XYLT1: variants seen among roughly 807,000 people sequenced by gnomAD.
The protein encoded by XYLT1 is xylosyltransferase 1.
In XYLT1, 36 loss-of-function variants were observed where a neutral mutation model predicts 91.3. The observed-to-expected ratio is 0.39, with a 90% CI of 0.30 to 0.52. The LOEUF is 0.52. Ranked by LOEUF, XYLT1 falls within the 20% of genes least tolerant of loss-of-function variation. The pLI is 0.68. For missense variants in XYLT1, 1,242 were observed against 1,284.5 expected, an observed-to-expected ratio of 0.97 and a Z score of 0.51; for synonymous variants, 588 against 532.0, an observed-to-expected ratio of 1.11 and a Z score of -1.45.
At chr16:17,196,745 A>G (rs1446447973) in intron 5 of XYLT1, among the ~76,000 whole-genome samples, 1 of 152,074 alleles carries the variant, frequency 6.6e-6, no homozygotes, top group Non-Finnish European at 1.5e-5. Context: ...CAGATGGAAA[A>G]CACAGTCAAA....
rs75149884 is a variant in XYLT1 at position 17,312,790 on chromosome 16, G to A, written c.402+45222C>T. Among the ~76,000 whole-genome samples the A allele has an allele frequency of 0.025, 3,759 of 152,316 alleles. 158 individuals are homozygous for A. The highest frequency in any genetic ancestry group is 0.085 in the African/African-American group (3,513 of 41,538). On this transcript the variant is annotated intron_variant, in intron 2 of 11. Coordinates refer to ENST00000261381, the MANE Select transcript of XYLT1 (RefSeq NM_022166.4). The surrounding 1 kb of genome is among the most constrained non-coding windows in gnomAD (Gnocchi z 4.4). The stretch of plus-strand genomic sequence containing the variant: ...ATAAAGTGACTTGTCCAAGGAGCTC[G>A]AATTCAGGGAATCTAGCTCTAAGCT...
chr16:17,145,119 A>C (rs2031098183), intron 6 of XYLT1, among the ~76,000 whole-genome samples: 1 of 152,206 alleles, frequency 6.6e-6, no homozygotes, highest in African/African-American at 2.4e-5. Flanking sequence ...GCAGTCATAC[A>C]ATATATGGCC....
At chr16:17,468,955 A>C (rs1360150361) in intron 1 of XYLT1, among the ~76,000 whole-genome samples, 2 of 152,224 alleles carry the variant, frequency 1.3e-5, no homozygotes, top group African/African-American at 4.8e-5. Context: ...GCAGCGTTTC[A>C]GAGTACCCCT....
chr16:17,336,739 A>G (rs2034984710), intron 2 of XYLT1, among the ~76,000 whole-genome samples: 1 of 152,208 alleles, frequency 6.6e-6, no homozygotes, highest in Admixed American at 6.5e-5. Flanking sequence ...ACCCCAGCCG[A>G]GCTGACATCC....
chr16:17,246,538 A>G (rs1272076452), intron 3 of XYLT1, among the ~76,000 whole-genome samples: 1 of 152,190 alleles, frequency 6.6e-6, no homozygotes. Flanking sequence ...GTTTGAGTCT[A>G]AGGTCTGTCA....
intron 2 of XYLT1, among the ~76,000 whole-genome samples, chr16:17,357,181 A>C (rs1024532599): frequency 1.1e-4 from 15 of 135,070 alleles, no homozygotes; most frequent in Admixed American, 2.1e-4. Flanking sequence ...TCAAAAAAAA[A>C]AAAAAAAAAA....
intron 10 of XYLT1, among the ~76,000 whole-genome samples, chr16:17,124,117 T>TTTACATTCAACATTA (rs1202041610): frequency 6.6e-6 from 1 of 152,236 alleles, no homozygotes; most frequent in Non-Finnish European, 1.5e-5. Flanking sequence ...TTTTAGGCCA[T>TTTACATTCAACATTA]TTACATTCAA....
rs1966717439 is a variant in XYLT1 at position 17,102,479 on chromosome 16, A to C, written c.*6216T>G. 1 of 152,650 alleles carries C rather than the reference A, an allele frequency of 6.6e-6. No individual in the cohort carries two copies. Among genetic ancestry groups the C allele is most frequent in the Non-Finnish European group, 1.5e-5 (1 of 68,034 alleles). The allele number at this position is 152,650 out of a possible 1,614,324, so 9.5% of individuals were successfully genotyped here. ...AAAAATGTTGCTTTGTCAGACAGAAACAAACTCCCCTAGACAAAAAAATAC... is the reference window on the plus strand; with the variant it reads ...AAAAATGTTGCTTTGTCAGACAGAACCAAACTCCCCTAGACAAAAAAATAC... On this transcript the variant is annotated 3_prime_UTR_variant, in exon 12 of 12. Transcript: ENST00000261381.
intron 1 of XYLT1, among the ~76,000 whole-genome samples, chr16:17,470,190 CCCCCG>C: frequency 6.6e-6 from 1 of 152,174 alleles, no homozygotes; most frequent in African/African-American, 2.4e-5. Flanking sequence ...CCCCAAAGCG[CCCCCG>C]CTGGAGAAAA....
intron 3 of XYLT1, 108 bp from the exon 4 acceptor site, chr16:17,200,762 G>T: frequency 8.1e-7 from 1 of 1,242,024 alleles, no homozygotes; most frequent in Non-Finnish European, 1.1e-6. Context: ...TAGGGGCACA[G>T]TCATCAAATT....
At position 17,462,215 on chromosome 16, in the gene XYLT1, A is replaced by G. The variant is rs148799059; in HGVS notation, c.363+8219T>C. Among the ~76,000 whole-genome samples, 8 of 152,314 alleles carry G rather than the reference A, an allele frequency of 5.3e-5. No homozygotes were observed. The East Asian group carries it at 1.5e-3, about 29-fold the overall frequency. On this transcript the variant is annotated intron_variant, in intron 1 of 11. Coordinates refer to ENST00000261381, the MANE Select transcript of XYLT1 (RefSeq NM_022166.4). ...GATAAGCAGTAGTCACCTGGCTGGG[A>G]CAAACTAGGCCTGGGACAGGACAAA...
At chr16:17,437,638 G>T (rs570271586) in intron 1 of XYLT1, among the ~76,000 whole-genome samples, 1 of 152,094 alleles carries the variant, frequency 6.6e-6, no homozygotes, top group African/African-American at 2.4e-5. Flanking sequence ...TACTGTTCGT[G>T]GAGCGGTTGT....
intron 1 of XYLT1, among the ~76,000 whole-genome samples, chr16:17,372,560 G>C (rs1255576937): frequency 6.6e-6 from 1 of 152,212 alleles, no homozygotes; most frequent in Non-Finnish European, 1.5e-5. Context: ...TAATGGTAAG[G>C]CCTGTCGAAT....
At chr16:17,191,762 C>T (rs981721778) in intron 5 of XYLT1, among the ~76,000 whole-genome samples, 6 of 152,350 alleles carry the variant, frequency 3.9e-5, no homozygotes, top group South Asian at 2.1e-4. Context: ...TCTCAGCCTG[C>T]GGCTCTGGTA....
At chr16:17,397,730 G>A (rs1011854815) in intron 1 of XYLT1, among the ~76,000 whole-genome samples, 1 of 152,048 alleles carries the variant, frequency 6.6e-6, no homozygotes, top group Admixed American at 6.6e-5. Flanking sequence ...CGGAACCTGA[G>A]CCTTTGAGTC....
intron 11 of XYLT1, among the ~76,000 whole-genome samples, chr16:17,116,352 C>T (rs1018713822): frequency 7.9e-5 from 12 of 152,256 alleles, no homozygotes; most frequent in African/African-American, 2.4e-4. Context: ...CATTTCCTAA[C>T]AGCTGCCTTT....
At chr16:17,282,490 G>A (rs1028074679) in intron 2 of XYLT1, among the ~76,000 whole-genome samples, 2 of 152,230 alleles carry the variant, frequency 1.3e-5, no homozygotes, top group African/African-American at 4.8e-5. Flanking sequence ...CTAGCTGGAG[G>A]CAAAAATCGG....
In XYLT1 at chr16:17,138,527, A is replaced by G; in HGVS notation, c.1592T>C (p.Phe531Ser). The change falls in exon 8 of 12, where the codon TTC (phenylalanine) becomes TCC (serine). Residue 531 changes from phenylalanine to serine, a missense_variant. Coordinates refer to ENST00000261381, the MANE Select transcript of XYLT1 (RefSeq NM_022166.4). ...GCTGTTCTCCAGGACCGTATGGAAG[A>G]AGGACTGCAGGGGAGAGAGGGACCC... ...YSYTLLPAESFFHTVLENSPH... is the reference protein window; with the variant it reads ...YSYTLLPAESSFHTVLENSPH... The G allele has an allele frequency of 6.2e-7, 1 of 1,613,848 alleles. No homozygotes were observed. Among genetic ancestry groups the G allele is most frequent in the Non-Finnish European group, 8.5e-7 (1 of 1,179,806 alleles).
intron 2 of XYLT1, among the ~76,000 whole-genome samples, chr16:17,350,477 C>T (rs2035205624): frequency 6.6e-6 from 1 of 152,200 alleles, no homozygotes; most frequent in South Asian, 2.1e-4. Context: ...AGTCTCTGCC[C>T]AGGCAGTGGT....
Sources: allele counts gnomAD v4.1 joint callset (sites outside exome capture counted in the v4.1 genomes callset), GRCh38; gene constraint gnomAD v4.1.1; non-coding constraint Gnocchi (gnomAD v3.1); transcripts MANE v1.5; gene names NCBI Gene and HGNC (gene_info 2026-07-23, HGNC 2026-07-21).